The following TINAG variants were observed in gnomAD, a reference collection of about 807,000 sequenced individuals.
The protein encoded by TINAG is tubulointerstitial nephritis antigen.
In TINAG, 83 loss-of-function variants were observed where a neutral mutation model predicts 72.7. The observed-to-expected ratio is 1.14, with a 90% CI of 0.96 to 1.37. The LOEUF (loss-of-function observed/expected upper bound fraction) is 1.37. Ranked by LOEUF, TINAG falls within the 40% of genes most tolerant of loss-of-function variation. The pLI, the probability that TINAG is intolerant of heterozygous loss-of-function variation, is 0.00. For synonymous variants in TINAG, 234 were observed against 189.9 expected (o/e 1.23, Z -1.91); for missense variants, 685 against 576.6 (o/e 1.19, Z -1.93).
At chr6:54,316,538 T>TG (rs1318472619) in intron 1 of TINAG, among the ~76,000 whole-genome samples, 1 of 152,144 alleles carries the variant, frequency 6.6e-6, no homozygotes, top group Non-Finnish European at 1.5e-5. Context: ...TGAACAACCC[T>TG]GGGGGGTGGA....
intron 4 of TINAG, among the ~76,000 whole-genome samples, chr6:54,340,908 T>C (rs922724460): frequency 2.6e-5 from 4 of 152,150 alleles, no homozygotes; most frequent in African/African-American, 9.7e-5. Context: ...GAAAACATAC[T>C]TTTACTTGAT....
chr6:54,327,440 A>C (rs1025468445), intron 4 of TINAG, among the ~76,000 whole-genome samples: 1 of 152,136 alleles, frequency 6.6e-6, no homozygotes, highest in Non-Finnish European at 1.5e-5. Flanking sequence ...TGCTTTTCCC[A>C]TGGTCTTCGC....
At chr6:54,379,866 G>C (rs1332095420) in intron 9 of TINAG, among the ~76,000 whole-genome samples, 1 of 151,824 alleles carries the variant, frequency 6.6e-6, no homozygotes, top group Non-Finnish European at 1.5e-5. Flanking sequence ...GTGCCATGGT[G>C]GTTTGCTGCA....
intron 7 of TINAG, among the ~76,000 whole-genome samples, chr6:54,350,533 C>T (rs1562167148): frequency 6.6e-6 from 1 of 151,206 alleles, no homozygotes; most frequent in Non-Finnish European, 1.5e-5. Flanking sequence ...CTCTACCCAG[C>T]CATAATGCTC....
At chr6:54,360,197 C>A (rs186558753) in intron 9 of TINAG, among the ~76,000 whole-genome samples, 1 of 151,596 alleles carries the variant, frequency 6.6e-6, no homozygotes, top group South Asian at 2.1e-4. Flanking sequence ...TAGATACAAA[C>A]CTGTAACACA....
intron 1 of TINAG, among the ~76,000 whole-genome samples, chr6:54,311,334 C>G (rs1376841756): frequency 6.6e-6 from 1 of 152,128 alleles, no homozygotes; most frequent in Non-Finnish European, 1.5e-5. Flanking sequence ...AAGTTGTCTA[C>G]AGCTCTTTGC....
intron 1 of TINAG, 54 bp downstream of exon 1, chr6:54,308,959 G>A (rs1784177374): frequency 1.5e-6 from 2 of 1,378,542 alleles, no homozygotes; most frequent in Non-Finnish European, 2.0e-6. Flanking sequence ...AACAAGATCT[G>A]ACAAACGTTC....
chr6:54,323,432 T>C (rs1784536900), intron 3 of TINAG, among the ~76,000 whole-genome samples: 1 of 152,230 alleles, frequency 6.6e-6, no homozygotes, highest in Admixed American at 6.5e-5. Context: ...ATAACCATAT[T>C]ATATCATTCA....
At chr6:54,341,884 T>C (rs1353330730) in intron 4 of TINAG, among the ~76,000 whole-genome samples, 1 of 152,108 alleles carries the variant, frequency 6.6e-6, no homozygotes, top group South Asian at 2.1e-4. Context: ...CTTGTTTAGC[T>C]GAGGGACTCA....
At chr6:54,386,116 C>T (rs781333038) in intron 10 of TINAG, among the ~76,000 whole-genome samples, 11 of 152,086 alleles carry the variant, frequency 7.2e-5, no homozygotes, top group African/African-American at 1.2e-4. Flanking sequence ...GTCTCAAACT[C>T]CTGACTTCAG....
At chr6:54,320,218 T>C (rs930683528) in intron 1 of TINAG, among the ~76,000 whole-genome samples, 2 of 152,114 alleles carry the variant, frequency 1.3e-5, no homozygotes, top group African/African-American at 4.8e-5. Flanking sequence ...TGATTAGTTG[T>C]TTTTTTAAAT....
At position 54,338,581 on chromosome 6, in the gene TINAG, G is replaced by A. The variant is rs141639926; in HGVS notation, c.625-4645G>A. The stretch of plus-strand genomic sequence containing the variant: ...CTAAAAATACGAAGAAAAATTAGCC[G>A]GGTGTGGTGGCACGTGTCTGTAGTC... On this transcript the variant is annotated intron_variant, in intron 4 of 10. Coordinates refer to ENST00000259782, the MANE Select transcript of TINAG (RefSeq NM_014464.4). Among the ~76,000 whole-genome samples the A allele has an allele frequency of 3.4e-3, 514 of 151,910 alleles. 5 individuals are homozygous for A. Among genetic ancestry groups the A allele is most frequent in the African/African-American group, 0.012 (484 of 41,450 alleles).
chr6:54,333,544 C>A (rs144154593), intron 4 of TINAG, among the ~76,000 whole-genome samples: 7,375 of 151,946 alleles, frequency 0.049, 505 homozygotes, highest in East Asian at 0.33. Flanking sequence ...TGCAGCAAAC[C>A]ACCATGGCAC....
intron 5 of TINAG, 72 bp downstream of exon 5, chr6:54,343,421 A>G (rs1427804318): frequency 7.9e-7 from 1 of 1,267,864 alleles, no homozygotes; most frequent in East Asian, 2.8e-5. Context: ...GAATAATTGA[A>G]CAATTTTAAC....
intron 4 of TINAG, 107 bp downstream of exon 4, chr6:54,327,023 A>T: frequency 1.9e-6 from 3 of 1,555,136 alleles, no homozygotes; most frequent in Non-Finnish European, 2.6e-6. Flanking sequence ...TTGAGCTTTC[A>T]GTCATAATTT....
At chr6:54,364,509 A>C (rs927976721) in intron 9 of TINAG, among the ~76,000 whole-genome samples, 24 of 151,644 alleles carry the variant, frequency 1.6e-4, no homozygotes, top group Non-Finnish European at 2.8e-4. Context: ...CAAATATATT[A>C]ATAGAAGTTT....
chr6:54,356,155 C>T lies in TINAG; in HGVS notation c.1250+1519C>T, dbSNP rs182972694. Among the ~76,000 whole-genome samples the T allele has an allele frequency of 2.1e-3, 323 of 151,822 alleles. 1 individual carries two copies. Among genetic ancestry groups the T allele is most frequent in the African/African-American group, 7.4e-3 (307 of 41,460 alleles). ...AGGTTATATGGAACAAGGTGCTTGC[C>T]TTAATTTTTAAAAAGTGTATCATTT... is the stretch of plus-strand genomic sequence containing the variant. On this transcript the variant is annotated intron_variant, in intron 9 of 10. Transcript: ENST00000259782.
intron 9 of TINAG, among the ~76,000 whole-genome samples, chr6:54,370,793 T>C (rs1763579778): frequency 6.6e-6 from 1 of 152,016 alleles, no homozygotes; most frequent in East Asian, 1.9e-4. Context: ...CTGTTTTCAG[T>C]GCTGATTGAA....
At chr6:54,328,961 A>G (rs1299470100) in intron 4 of TINAG, among the ~76,000 whole-genome samples, 1 of 152,100 alleles carries the variant, frequency 6.6e-6, no homozygotes, top group East Asian at 1.9e-4. Flanking sequence ...CATCCAAGAA[A>G]TATGGGACTA....
Sources: gnomAD v4.1 joint callset for allele counts (sites outside exome capture counted in the v4.1 genomes callset) on GRCh38, gnomAD v4.1.1 for gene constraint, MANE v1.5 for transcripts, NCBI Gene and HGNC (gene_info 2026-07-23, HGNC 2026-07-21) for gene names.